Variants in PES1 observed in about 807,000 individuals in gnomAD.
PES1 encodes pescadillo ribosomal biogenesis factor 1.
A neutral mutation model predicts 77.1 loss-of-function variants in PES1; 31 were observed. The ratio of observed to expected loss-of-function variants is 0.40; its 90% CI spans 0.30 to 0.54. The LOEUF is 0.54. Ranked by LOEUF, PES1 falls within the 20% of genes least tolerant of loss-of-function variation. The probability of loss-of-function intolerance (pLI) is 0.45; values close to 1 mark genes in which losing one functional copy is unlikely to be tolerated. For synonymous variants in PES1, 282 were observed against 303.0 expected, an observed-to-expected ratio of 0.93 and a Z score of 0.72; for missense variants, 658 against 771.7, an observed-to-expected ratio of 0.85 and a Z score of 1.75.
At chr22:30,596,274 G>A (rs1247200697), upstream of PES1, among the ~76,000 whole-genome samples, 1 of 151,990 alleles carries the variant, frequency 6.6e-6, no homozygotes, top group East Asian at 1.9e-4. Context: ...TTTCTATATA[G>A]TTCAGCCAGG....
rs566428387 is a variant in PES1, at chr22:30,577,221, G to A, written c.1684-92C>T. On this transcript the variant is annotated intron_variant, in intron 14 of 14. Coordinates refer to ENST00000354694, the MANE Select transcript of PES1 (RefSeq NM_014303.4). ...CAAAGCTATATCCCTTAAAAGCAGA[G>A]CTTCAAGAAAAGGTCACAAATTCTC... The A allele has an allele frequency of 1.8e-3, 1,977 of 1,096,596 alleles. 1 individual carries two copies. Among genetic ancestry groups the A allele is most frequent in the Non-Finnish European group, 2.5e-3 (1,832 of 725,780 alleles). 67.9% of individuals were successfully genotyped at this position (1,096,596 alleles called of 1,614,324 possible). A position where few individuals can be genotyped will look rare whatever the true frequency, so the allele number is the denominator to read the frequency against.
intron 10 of PES1, 53 bp downstream of exon 10, chr22:30,580,518 A>G (rs946078647): frequency 1.2e-6 from 2 of 1,607,172 alleles, no homozygotes; most frequent in African/African-American, 2.7e-5. Flanking sequence ...GGCAGGACCC[A>G]GACCAGAGCA....
upstream of PES1, among the ~76,000 whole-genome samples, chr22:30,593,662 T>A (rs1160270782): frequency 6.6e-6 from 1 of 152,136 alleles, no homozygotes; most frequent in Non-Finnish European, 1.5e-5. Context: ...TAGAACCATG[T>A]TTGCAGAAAG....
At position 30,588,060 on chromosome 22, in the gene PES1, G is replaced by A. The variant is rs1206017182; in HGVS notation, c.219C>T (p.Leu73=). 1 of 1,614,124 alleles carries A rather than the reference G, an allele frequency of 6.2e-7. No homozygotes were observed. ...TFYLIKDIRF[L]LHEPIVNKFR... ...ACTTGTTGACAATGGGTTCGTGGAG[G>A]AGAAACCTGATGTCTTTGATAAGGT... is the stretch of plus-strand genomic sequence containing the variant. The change falls in exon 3 of 15, where the codon CTC becomes CTT. Residue 73 remains leucine, a synonymous_variant. Transcript: ENST00000354694.
chr22:30,605,586 AC>A, intron 1 of PES1: 2 of 611,024 alleles, frequency 3.3e-6, no homozygotes, highest in Non-Finnish European at 4.1e-6. Context: ...AGGCAGTCCC[AC>A]CCAGGACCAA....
intron 2 of PES1, among the ~76,000 whole-genome samples, chr22:30,600,470 C>T (rs561831233): frequency 5.7e-4 from 87 of 152,098 alleles, no homozygotes; most frequent in Non-Finnish European, 1.0e-3. Context: ...ATCGCTTGAA[C>T]TCGGGAGTTC....
chr22:30,601,589 C>G (rs1219705004), intron 2 of PES1, among the ~76,000 whole-genome samples: 2 of 152,194 alleles, frequency 1.3e-5, no homozygotes, highest in East Asian at 3.8e-4. Context: ...GCTGGGATTA[C>G]AGGCGTAAGC....
intron 6 of PES1, among the ~76,000 whole-genome samples, chr22:30,582,355 T>G (rs1387781531): frequency 1.3e-5 from 2 of 152,192 alleles, no homozygotes; most frequent in Non-Finnish European, 2.9e-5. Flanking sequence ...GGCTGGCAGC[T>G]GGCCTGGCTC....
chr22:30,578,377 C>A (rs778297923), intron 14 of PES1, among the ~76,000 whole-genome samples: 1 of 152,230 alleles, frequency 6.6e-6, no homozygotes, highest in Non-Finnish European at 1.5e-5. Flanking sequence ...TTACTACAGG[C>A]TGCTCTATTC....
chr22:30,580,786 G>C, intron 9 of PES1, 85 bp from the exon 10 acceptor site: 1 of 1,582,928 alleles, frequency 6.3e-7, no homozygotes. Context: ...GTCCACTCCA[G>C]CTTCCTTCTA....
At chr22:30,596,830 C>T (rs904146228), upstream of PES1, among the ~76,000 whole-genome samples, 4 of 152,202 alleles carry the variant, frequency 2.6e-5, no homozygotes, top group Non-Finnish European at 5.9e-5. Flanking sequence ...AGGCCGGAGC[C>T]GGCTCCCTCA....
At chr22:30,588,244 C>A (rs1320623725) in intron 2 of PES1, 70 bp from the exon 3 acceptor site, 3 of 1,589,790 alleles carry the variant, frequency 1.9e-6, no homozygotes, top group African/African-American at 1.3e-5. Flanking sequence ...CACAGCTGGG[C>A]CTGGAAAACA....
chr22:30,588,856 G>A (rs1335746655), intron 2 of PES1, among the ~76,000 whole-genome samples: 4 of 152,080 alleles, frequency 2.6e-5, no homozygotes, highest in African/African-American at 9.7e-5. Flanking sequence ...GGGCCCACAG[G>A]CCACAGTGAA....
At chr22:30,597,838 C>T (rs565452039) in intron 2 of PES1, among the ~76,000 whole-genome samples, 4 of 150,568 alleles carry the variant, frequency 2.7e-5, no homozygotes, top group African/African-American at 4.9e-5. Context: ...CCCGACTCAG[C>T]TGTGGTAACT....
In PES1 at chr22:30,581,048, C is replaced by T. The variant is rs757362887; in HGVS notation, c.876G>A (p.Glu292=). 14 of 1,612,430 alleles carry T rather than the reference C, an allele frequency of 8.7e-6. No individual in the cohort carries two copies. In the African/African-American group the frequency reaches 1.7e-4, roughly 20 times the overall value. Reference sequence around the variant, plus strand: ...GAAACTCATCCACCTCGGCCTCCTCCTCTGTGGCAGGCACCACCACGCGGG... The same window carrying T: ...GAAACTCATCCACCTCGGCCTCCTCTTCTGTGGCAGGCACCACCACGCGGG... ...SLARVVVPAT[E]EEAEVDEFPT... is the part of the protein sequence containing the mutation. The change falls in exon 9 of 15, where the codon GAG becomes GAA. Residue 292 remains glutamate, a synonymous_variant. Coordinates refer to ENST00000354694, the MANE Select transcript of PES1 (RefSeq NM_014303.4).
chr22:30,589,142 T>G (rs1374848087), intron 2 of PES1, 49 bp downstream of exon 2: 1 of 1,424,330 alleles, frequency 7.0e-7, no homozygotes, highest in Non-Finnish European at 9.8e-7. Flanking sequence ...AGCTGAGTTT[T>G]CAATGTGCAA....
chr22:30,581,995 A>G (rs1284026366), intron 6 of PES1, among the ~76,000 whole-genome samples: 1 of 152,068 alleles, frequency 6.6e-6, no homozygotes, highest in Admixed American at 6.5e-5. Flanking sequence ...CGGCTCTCCC[A>G]CTTCCTTCAG....
upstream of PES1, among the ~76,000 whole-genome samples, chr22:30,592,947 G>C (rs1300246830): frequency 2.7e-5 from 4 of 148,332 alleles, no homozygotes; most frequent in Admixed American, 6.8e-5. Flanking sequence ...TCTGGAAGTA[G>C]ATGCAATTTT....
At chr22:30,592,329 G>C (rs2087195815), upstream of PES1, 1 of 990,312 alleles carries the variant, frequency 1.0e-6, no homozygotes, top group South Asian at 4.6e-5. Context: ...CGGTTCCCGA[G>C]GGGCAGGGTG....
Sources: gnomAD v4.1 joint callset for allele counts (sites outside exome capture counted in the v4.1 genomes callset) on GRCh38, gnomAD v4.1.1 for gene constraint, MANE v1.5 for transcripts, NCBI Gene and HGNC (gene_info 2026-07-23, HGNC 2026-07-21) for gene names.